The following CLIC2 variants were observed in gnomAD, a reference collection of about 807,000 sequenced individuals.
The protein encoded by CLIC2 is CLIC family member 2, also known as chloride intracellular channel protein 2.
CLIC2 carries 9 observed loss-of-function variants against 14.8 expected under a neutral mutation model. The ratio of observed to expected loss-of-function variants is 0.61; its 90% confidence interval spans 0.37 to 1.06. The LOEUF is 1.06. Among genes scored for constraint, CLIC2 ranks in the 50% least tolerant of loss-of-function variants. The pLI is 0.01. For missense variants in CLIC2, 148 were observed against 181.4 expected, an observed-to-expected ratio of 0.82 and a Z score of 1.06; for synonymous variants, 61 against 66.3, an observed-to-expected ratio of 0.92 and a Z score of 0.39.
At chrX:155,315,276 A>G (rs943930379) in intron 1 of CLIC2, among the ~76,000 whole-genome samples, 10 of 112,242 alleles carry the variant, frequency 8.9e-5, no homozygotes, top group Non-Finnish European at 1.7e-4. Flanking sequence ...AAAATTTATC[A>G]CAAAAAGATA....
intron 3 of CLIC2, chrX:155,291,489 T>C: frequency 2.7e-6 from 1 of 369,336 alleles, no homozygotes; most frequent in Middle Eastern, 8.0e-4. Flanking sequence ...TCTATGTTCC[T>C]ATTTAGATGC....
intron 1 of CLIC2, among the ~76,000 whole-genome samples, chrX:155,318,790 T>C (rs1017334170): frequency 1.3e-4 from 15 of 111,882 alleles, no homozygotes; most frequent in Admixed American, 1.3e-3. Context: ...TGGAGGCATC[T>C]CATTACCCGA....
At chrX:155,327,282 T>C (rs1371676704) in intron 1 of CLIC2, among the ~76,000 whole-genome samples, 1 of 111,492 alleles carries the variant, frequency 9.0e-6, no homozygotes, top group African/African-American at 3.2e-5. Context: ...AACAATGTAT[T>C]AAAAGTAATG....
chrX:155,307,458 G>A (rs1268029712), intron 1 of CLIC2, among the ~76,000 whole-genome samples: 1 of 111,658 alleles, frequency 9.0e-6, no homozygotes, highest in African/African-American at 3.3e-5. Context: ...AATTCAATAA[G>A]CTGGGATAGA....
At position 155,334,420 on chromosome X, in the gene CLIC2, C is replaced by A. The variant is rs782577136; in HGVS notation, c.8G>T (p.Gly3Val). MSGLRPGTQVDPE... is the reference protein window; with the variant it reads MSVLRPGTQVDPE... Reference sequence around the variant, plus strand: ...GTCCACTTGAGTGCCGGGCCGCAGGCCTGACATCTTTGTCTTTACTGCCAG... The same window carrying A: ...GTCCACTTGAGTGCCGGGCCGCAGGACTGACATCTTTGTCTTTACTGCCAG... Residue 3 changes from glycine to valine, a missense_variant, in exon 1 of 6, where the codon GGC becomes GTC. Transcript: ENST00000369449. 2.2e-5 allele frequency: 26 copies of A among 1,206,822 alleles called. 1 individual carries two copies. Among genetic ancestry groups the A allele is most frequent in the Non-Finnish European group, 2.5e-5 (22 of 892,267 alleles).
At position 155,284,450 on chromosome X, in the gene CLIC2, G is replaced by A. The variant is rs979284858; in HGVS notation, c.294-4382C>T. Reference sequence around the variant, plus strand: ...AATTTTGTGTTTTTAGTAGAGATGGGGTTTCTCCATGTTGGTCAGGCTGGT... The same window carrying A: ...AATTTTGTGTTTTTAGTAGAGATGGAGTTTCTCCATGTTGGTCAGGCTGGT... On this transcript the variant is annotated intron_variant, in intron 3 of 5. Transcript: ENST00000369449. Among the ~76,000 whole-genome samples, 5 of 109,687 alleles carry A rather than the reference G, an allele frequency of 4.6e-5. No homozygotes were observed. In the Admixed American group the frequency reaches 4.9e-4, roughly 11 times the overall value.
At chrX:155,302,296 G>C (rs1452304696) in intron 1 of CLIC2, among the ~76,000 whole-genome samples, 2 of 106,592 alleles carry the variant, frequency 1.9e-5, no homozygotes, top group Non-Finnish European at 2.0e-5. Flanking sequence ...CTTCTTCCTG[G>C]TTTAGTCTTG....
At chrX:155,282,678 A>C (rs1302917990) in intron 3 of CLIC2, among the ~76,000 whole-genome samples, 1 of 110,968 alleles carries the variant, frequency 9.0e-6, no homozygotes, top group African/African-American at 3.3e-5. Context: ...CCTTTGCTTC[A>C]GGACAGCCAC....
chrX:155,278,246 A>C (rs782371210), intron 5 of CLIC2, among the ~76,000 whole-genome samples, 182 bp from the exon 6 acceptor site: 1 of 112,241 alleles, frequency 8.9e-6, no homozygotes, highest in African/African-American at 3.2e-5. Context: ...AAATGTTGAC[A>C]AAACTACATG....
intron 3 of CLIC2, among the ~76,000 whole-genome samples, chrX:155,287,088 T>G (rs2074945563): frequency 8.9e-6 from 1 of 112,306 alleles, no homozygotes; most frequent in Non-Finnish European, 1.9e-5. Flanking sequence ...TTCTGGGTTT[T>G]TGTAGTTTTG....
At chrX:155,334,037 A>G (rs2075165912) in intron 1 of CLIC2, among the ~76,000 whole-genome samples, 1 of 111,107 alleles carries the variant, frequency 9.0e-6, no homozygotes, top group Admixed American at 9.6e-5. Flanking sequence ...ATGCTCCTTC[A>G]TTGTATAGAT....
In CLIC2 at chrX:155,279,168, G is replaced by T; in HGVS notation, c.563C>A (p.Pro188His). Reference protein sequence around the residue: ...QLTLADCSLLPKLNIIKVAAK... With the variant: ...QLTLADCSLLHKLNIIKVAAK... ...ACTTACTTTAATAATGTTCAGCTTGGGTAACAAGCTACAATCAGCCAGTGT... is the reference window on the plus strand; with the variant it reads ...ACTTACTTTAATAATGTTCAGCTTGTGTAACAAGCTACAATCAGCCAGTGT... Residue 188 changes from proline (P) to histidine (H), a missense_variant, in exon 5 of 6, where the codon CCC becomes CAC. By Grantham distance (77) the Pro-to-His change is moderately conservative (BLOSUM62 -2). Coordinates refer to ENST00000369449, the MANE Select transcript of CLIC2 (RefSeq NM_001289.6). The T allele has an allele frequency of 8.3e-7, 1 of 1,209,649 alleles. No homozygotes were observed. The highest frequency in any genetic ancestry group is 1.1e-6 in the Non-Finnish European group (1 of 894,108).
intron 1 of CLIC2, among the ~76,000 whole-genome samples, chrX:155,308,480 A>G (rs782285219): frequency 6.3e-5 from 7 of 111,914 alleles, no homozygotes; most frequent in Non-Finnish European, 9.4e-5. Flanking sequence ...AGAAAGAGAT[A>G]GGATAGAAAG....
chrX:155,319,847 G>A (rs782607754), intron 1 of CLIC2, among the ~76,000 whole-genome samples: 1 of 112,052 alleles, frequency 8.9e-6, no homozygotes, highest in African/African-American at 3.2e-5. Context: ...GTCTGAAGTC[G>A]ACCTGGGATG....
At chrX:155,283,379 C>A (rs1166608330) in intron 3 of CLIC2, among the ~76,000 whole-genome samples, 1 of 111,585 alleles carries the variant, frequency 9.0e-6, no homozygotes, top group Admixed American at 9.5e-5. Flanking sequence ...AGGAATTGTG[C>A]TAAATGCTAT....
chrX:155,281,419 C>A (rs1557316481), intron 3 of CLIC2, among the ~76,000 whole-genome samples: 1 of 110,769 alleles, frequency 9.0e-6, no homozygotes, highest in Non-Finnish European at 1.9e-5. Flanking sequence ...CTGTAGTAAT[C>A]ATTTCACTAT....
At position 155,298,119 on chromosome X, in the gene CLIC2, G is replaced by A. The variant is rs147993180; in HGVS notation, c.293+666C>T. ...GTCACCTGGGCCCCATATGATAACT[G>A]TGTTCCCGACCAACACCTTGAATGC... On this transcript the variant is annotated intron_variant, in intron 3 of 5. Coordinates refer to ENST00000369449, the MANE Select transcript of CLIC2 (RefSeq NM_001289.6). 3.4e-4 allele frequency among the ~76,000 whole-genome samples: 37 copies of A among 109,648 alleles called. No homozygotes were observed. In the East Asian group the frequency reaches 9.7e-3, roughly 29 times the overall value.
At chrX:155,320,996 T>C (rs1402439880) in intron 1 of CLIC2, among the ~76,000 whole-genome samples, 3 of 110,802 alleles carry the variant, frequency 2.7e-5, no homozygotes, top group Non-Finnish European at 5.7e-5. Context: ...AAATAAACCA[T>C]GAAGACAAGA....
chrX:155,304,021 CTTCAT>C (rs1557319577), intron 1 of CLIC2, among the ~76,000 whole-genome samples: 2 of 106,197 alleles, frequency 1.9e-5, no homozygotes, highest in Admixed American at 2.0e-4. Flanking sequence ...ACATTTTTTC[CTTCAT>C]TTCAACTTTG....
Sources: gnomAD v4.1 joint callset for allele counts (sites outside exome capture counted in the v4.1 genomes callset) on GRCh38, gnomAD v4.1.1 for gene constraint, MANE v1.5 for transcripts, NCBI Gene and HGNC (gene_info 2026-07-23, HGNC 2026-07-21) for gene names.